RALGPS1: variants seen among roughly 807,000 people sequenced by gnomAD.
RALGPS1 encodes the protein Ral GEF with PH domain and SH3 binding motif 1.
RALGPS1 carries 19 observed loss-of-function variants against 78.8 expected under a neutral mutation model. The ratio of observed to expected loss-of-function variants is 0.24; its 90% confidence interval spans 0.17 to 0.35. The LOEUF (loss-of-function observed/expected upper bound fraction) is 0.35, where lower values mean the gene tolerates loss of function less well. Ranked by LOEUF, RALGPS1 falls within the 10% of genes least tolerant of loss-of-function variation. The pLI is 1.00. For synonymous variants in RALGPS1, 228 were observed against 256.3 expected (o/e 0.89, Z 1.06); for missense variants, 454 against 688.3 (o/e 0.66, Z 3.81).
chr9:127,206,888 T>C (rs533246327), intron 14 of RALGPS1, among the ~76,000 whole-genome samples: 15 of 152,228 alleles, frequency 9.9e-5, no homozygotes, highest in African/African-American at 3.6e-4. Context: ...GGAAGTGCCC[T>C]GGCCACTTCC....
At chr9:127,013,944 C>G (rs1339322516) in intron 4 of RALGPS1, among the ~76,000 whole-genome samples, 1 of 152,220 alleles carries the variant, frequency 6.6e-6, no homozygotes, top group Non-Finnish European at 1.5e-5. Context: ...TGAACTTTTC[C>G]TTATGCGTTC....
rs566162844 is a variant in RALGPS1, at chr9:127,218,827, T to C, written c.*58T>C. On this transcript the variant is annotated 3_prime_UTR_variant, in exon 19 of 19. Coordinates refer to ENST00000259351, the MANE Select transcript of RALGPS1 (RefSeq NM_014636.3). The surrounding 1 kb of genome is among the most constrained non-coding windows in gnomAD (Gnocchi z 4.4). ...TTCTGGGAACCCAGGCTGGGCCTGG[T>C]GGTGAAGAGCAGTCCTGGGCACAGG... is the stretch of plus-strand genomic sequence containing the variant. 6.4e-7 allele frequency: 1 copy of C among 1,566,476 alleles called. No individual in the cohort carries two copies. The highest frequency in any genetic ancestry group is 1.1e-5 in the South Asian group (1 of 90,102).
At chr9:127,058,569 G>T (rs1482106428) in intron 7 of RALGPS1, among the ~76,000 whole-genome samples, 1 of 152,144 alleles carries the variant, frequency 6.6e-6, no homozygotes, top group Non-Finnish European at 1.5e-5. Flanking sequence ...GAGATGTCGA[G>T]ATGAAGAGAA....
intron 1 of RALGPS1, among the ~76,000 whole-genome samples, chr9:126,957,826 A>G (rs1034373834): frequency 5.3e-5 from 8 of 151,518 alleles, no homozygotes; most frequent in African/African-American, 1.9e-4. Flanking sequence ...ACATTCCTCA[A>G]AGTTTTTTGC....
chr9:126,986,700 G>A (rs2041834201), intron 4 of RALGPS1, among the ~76,000 whole-genome samples: 1 of 152,208 alleles, frequency 6.6e-6, no homozygotes, highest in Non-Finnish European at 1.5e-5. Flanking sequence ...CTTAGAATGT[G>A]CTGAAAATGG....
intron 7 of RALGPS1, among the ~76,000 whole-genome samples, chr9:127,059,489 T>A (rs1191696950): frequency 6.6e-6 from 1 of 152,198 alleles, no homozygotes; most frequent in Non-Finnish European, 1.5e-5. Flanking sequence ...ACTCCCTTCT[T>A]GAAAAATCTC....
At chr9:127,100,373 T>G (rs893649833) in intron 8 of RALGPS1, among the ~76,000 whole-genome samples, 13 of 152,248 alleles carry the variant, frequency 8.5e-5, no homozygotes, top group Non-Finnish European at 1.6e-4. Flanking sequence ...TCTGCTCATT[T>G]GACCTCGGGA....
At chr9:127,129,550 G>A (rs2056866825) in intron 8 of RALGPS1, among the ~76,000 whole-genome samples, 1 of 152,196 alleles carries the variant, frequency 6.6e-6, no homozygotes, top group Middle Eastern at 3.2e-3. Context: ...CAAGGAGGCA[G>A]CTGATTAGAT....
intron 11 of RALGPS1, among the ~76,000 whole-genome samples, chr9:127,188,049 T>G (rs1250077658): frequency 6.9e-6 from 1 of 144,152 alleles, no homozygotes; most frequent in East Asian, 2.1e-4. Context: ...TGGTTAAGAA[T>G]TAGAGCCTTT....
intron 8 of RALGPS1, among the ~76,000 whole-genome samples, chr9:127,119,951 C>G (rs150858704): frequency 6.6e-6 from 1 of 152,332 alleles, no homozygotes; most frequent in Non-Finnish European, 1.5e-5. Flanking sequence ...GCTAGAGAAG[C>G]AAATACTTGA....
In RALGPS1 at chr9:127,161,017, G is replaced by C. The variant is rs542467459; in HGVS notation, c.611-5052G>C. ...CTTGCCTGGTCCCTGGCACTGTCCAGCCCCAAGGCAGCCAGGGCCAATGGC... is the reference window on the plus strand; with the variant it reads ...CTTGCCTGGTCCCTGGCACTGTCCACCCCCAAGGCAGCCAGGGCCAATGGC... On this transcript the variant is annotated intron_variant, in intron 8 of 18. Coordinates refer to ENST00000259351, the MANE Select transcript of RALGPS1 (RefSeq NM_014636.3). Among the ~76,000 whole-genome samples the C allele has an allele frequency of 2.0e-5, 3 of 152,348 alleles. No homozygotes were observed. The South Asian group carries it at 6.2e-4, about 32-fold the overall frequency.
chr9:127,050,488 G>C (rs531508456), intron 6 of RALGPS1, among the ~76,000 whole-genome samples: 1 of 152,172 alleles, frequency 6.6e-6, no homozygotes, highest in African/African-American at 2.4e-5. Context: ...AGTTCTGGGG[G>C]TTGATGGATT....
At chr9:127,080,117 A>G (rs1005460797) in intron 8 of RALGPS1, among the ~76,000 whole-genome samples, 3 of 152,186 alleles carry the variant, frequency 2.0e-5, no homozygotes, top group Admixed American at 6.5e-5. Flanking sequence ...GAGTTCTTGC[A>G]GTTCTATGAG....
chr9:127,142,165 G>A (rs577334231), intron 8 of RALGPS1, among the ~76,000 whole-genome samples: 24 of 152,316 alleles, frequency 1.6e-4, no homozygotes, highest in African/African-American at 4.8e-4. Flanking sequence ...TAGATGCCTC[G>A]TCACATCATA....
chr9:126,968,395 A>G (rs190404970), intron 3 of RALGPS1, among the ~76,000 whole-genome samples: 4 of 152,294 alleles, frequency 2.6e-5, no homozygotes, highest in Admixed American at 6.5e-5. Context: ...AATTTTCTAC[A>G]TGGATTATAT....
At chr9:127,176,687 G>A (rs1746802741) in intron 11 of RALGPS1, among the ~76,000 whole-genome samples, 1 of 152,204 alleles carries the variant, frequency 6.6e-6, no homozygotes. Context: ...AAGTCTCCAT[G>A]CCACACTTGC....
In RALGPS1 at chr9:127,091,310, G is replaced by C. The variant is rs927406317; in HGVS notation, c.610+21954G>C. 1.3e-5 allele frequency among the ~76,000 whole-genome samples: 2 copies of C among 152,238 alleles called. No individual in the cohort carries two copies. The highest frequency in any genetic ancestry group is 4.1e-4 in the South Asian group (2 of 4,834). On this transcript the variant is annotated intron_variant, in intron 8 of 18. Coordinates refer to ENST00000259351, the MANE Select transcript of RALGPS1 (RefSeq NM_014636.3). This position sits in a 1 kb window ranked among gnomAD's most constrained non-coding sequence, Gnocchi z 4.3. ...CCCAGGTGTGTGGCCCAGAGCCTAC[G>C]CAGTTGGTTAGCTCTATACCAGGTG...
intron 1 of RALGPS1, among the ~76,000 whole-genome samples, chr9:126,942,059 T>A (rs569604632): frequency 9.8e-5 from 15 of 152,310 alleles, no homozygotes; most frequent in African/African-American, 3.6e-4. Context: ...AAAGCTGAGG[T>A]TTAGAGAGAA....
chr9:127,071,229 TTTGTC>T (rs1361433353), intron 8 of RALGPS1, among the ~76,000 whole-genome samples: 3 of 152,030 alleles, frequency 2.0e-5, no homozygotes, highest in African/African-American at 7.2e-5. Context: ...TTGCCAGAGG[TTTGTC>T]TATTGGTCTT....
Sources: allele counts gnomAD v4.1 joint callset (sites outside exome capture counted in the v4.1 genomes callset), GRCh38; gene constraint gnomAD v4.1.1; non-coding constraint Gnocchi (gnomAD v3.1); transcripts MANE v1.5; gene names NCBI Gene and HGNC (gene_info 2026-07-23, HGNC 2026-07-21).